Variants in CCDC18 observed in about 807,000 individuals in gnomAD.
The protein encoded by CCDC18 is coiled-coil domain containing 18, also known as coiled-coil domain-containing protein 18.
CCDC18 carries 157 observed loss-of-function variants against 196.0 expected under a neutral mutation model. The ratio of observed to expected loss-of-function variants is 0.80; its 90% confidence interval spans 0.70 to 0.91. CCDC18 has a LOEUF of 0.91. CCDC18 is among the 40% of genes least tolerant of loss of function. CCDC18 has a pLI of 0.00. For missense variants in CCDC18, 1,465 were observed against 1,611.6 expected, an observed-to-expected ratio of 0.91 and a Z score of 1.56; for synonymous variants, 482 against 529.2, an observed-to-expected ratio of 0.91 and a Z score of 1.22.
At chr1:93,197,814 C>G (rs995348929) in intron 6 of CCDC18, among the ~76,000 whole-genome samples, 1 of 134,094 alleles carries the variant, frequency 7.5e-6, no homozygotes, top group Non-Finnish European at 1.5e-5. Context: ...TGCAGTGGCG[C>G]GATCTCGGCT....
chr1:93,270,821 A>T lies in CCDC18; in HGVS notation c.4353+7A>T. 1 of 1,494,346 alleles carries T rather than the reference A, an allele frequency of 6.7e-7. No individual in the cohort carries two copies. Among genetic ancestry groups the T allele is most frequent in the Middle Eastern group, 2.1e-4 (1 of 4,684 alleles). 92.6% of individuals were successfully genotyped at this position (1,494,346 alleles called of 1,614,324 possible). A position where few individuals can be genotyped will look rare whatever the true frequency, so the allele number is the denominator to read the frequency against. On this transcript the variant is annotated splice_region_variant and intron_variant, in intron 28 of 28. Coordinates refer to ENST00000690025, the MANE Select transcript of CCDC18 (RefSeq NM_001378204.1). ...AGGTGCTGGTTTAAATCAGGTATGT[A>T]TTTTATACACTGTAAACTGTAATAA...
chr1:93,221,465 T>C (rs1295452515), intron 14 of CCDC18, 144 bp from the exon 15 acceptor site: 20 of 493,680 alleles, frequency 4.1e-5, no homozygotes, highest in Non-Finnish European at 5.1e-5. Flanking sequence ...ATTTCATTTC[T>C]TCCTTAAAAA....
At chr1:93,207,430 A>G in intron 9 of CCDC18, 32 bp downstream of exon 9, 5 of 1,472,316 alleles carry the variant, frequency 3.4e-6, no homozygotes, top group Non-Finnish European at 3.7e-6. Flanking sequence ...ATGGAAAAGA[A>G]GAATTTTACT....
At chr1:93,228,751 C>G (rs1165977012) in intron 17 of CCDC18, among the ~76,000 whole-genome samples, 1 of 151,654 alleles carries the variant, frequency 6.6e-6, no homozygotes, top group Non-Finnish European at 1.5e-5. Context: ...TTCTACTGCC[C>G]ATACCCACAC....
intron 16 of CCDC18, 95 bp downstream of exon 16, chr1:93,222,031 A>T: frequency 2.5e-6 from 2 of 796,322 alleles, no homozygotes; most frequent in Non-Finnish European, 1.9e-6. Context: ...GTGCAGTGGC[A>T]TGATGATAAC....
intron 28 of CCDC18, among the ~76,000 whole-genome samples, chr1:93,274,761 T>C (rs765023220): frequency 5.9e-5 from 9 of 152,108 alleles, no homozygotes; most frequent in East Asian, 3.9e-4. Context: ...GGTGGGAGGA[T>C]TGCTTGAGCC....
intron 17 of CCDC18, among the ~76,000 whole-genome samples, chr1:93,226,838 T>C (rs1238211406): frequency 6.6e-6 from 1 of 151,974 alleles, no homozygotes; most frequent in Non-Finnish European, 1.5e-5. Flanking sequence ...CTGGCCAAAA[T>C]AATATCTTTT....
At chr1:93,232,723 C>T in intron 18 of CCDC18, 130 bp downstream of exon 18, 1 of 666,054 alleles carries the variant, frequency 1.5e-6, no homozygotes, top group South Asian at 2.1e-5. Flanking sequence ...ATAATTCCAG[C>T]ACTTTGGGAG....
intron 4 of CCDC18, 135 bp from the exon 5 acceptor site, chr1:93,191,865 T>C (rs1651867713): frequency 3.3e-6 from 2 of 598,830 alleles, no homozygotes; most frequent in Admixed American, 5.9e-5. Flanking sequence ...ATCAAAGGAA[T>C]AGATGGGAAG....
chr1:93,211,256 CA>C (rs2101995207), intron 10 of CCDC18, among the ~76,000 whole-genome samples: 1 of 138,656 alleles, frequency 7.2e-6, no homozygotes, highest in African/African-American at 2.7e-5. Flanking sequence ...CCAGCCTGAG[CA>C]ACAGAGTGAG....
At position 93,270,388 on chromosome 1, in the gene CCDC18, T is replaced by C. The variant is rs755775733; in HGVS notation, c.3927T>C (p.His1309=). 1 of 1,549,862 alleles carries C rather than the reference T, an allele frequency of 6.5e-7. No individual in the cohort carries two copies. Among genetic ancestry groups the C allele is most frequent in the Non-Finnish European group, 8.7e-7 (1 of 1,146,472 alleles). The change falls in exon 28 of 29, where the codon CAT becomes CAC. Residue 1309 remains histidine (H), a synonymous_variant. Transcript: ENST00000690025. ...LTRLQAKISG[H]EKAEDIKFLP... is the part of the protein sequence containing the mutation. ...GATTACAGGCCAAAATTTCTGGACA[T>C]GAAAAGGCAGAAGACATCAAGTTTC...
upstream of CCDC18, chr1:93,180,183 C>T (rs1257542001): frequency 6.2e-7 from 1 of 1,613,542 alleles, no homozygotes; most frequent in Non-Finnish European, 8.5e-7. Context: ...CAGGCAGCAG[C>T]ACCGGAGGCA....
At chr1:93,270,001 G>GA (rs1227837606) in intron 27 of CCDC18, among the ~76,000 whole-genome samples, 1 of 152,126 alleles carries the variant, frequency 6.6e-6, no homozygotes, top group Non-Finnish European at 1.5e-5. Context: ...ATTAACAAAA[G>GA]ATAGCGTACC....
Position 93,269,756 on chromosome 1 carries a change from T to G in CCDC18, c.3886-591T>G, listed in dbSNP as rs565425757. On this transcript the variant is annotated intron_variant, in intron 27 of 28. Transcript: ENST00000690025. ...TGGTTTTTTAGTGTATGTAGTCTCA[T>G]TCCTAGGATCCCAAAGTTCAGTCAG... 3 of 152,196 alleles carry G rather than the reference T, an allele frequency of 2.0e-5. No individual in the cohort carries two copies. In the East Asian group the frequency reaches 5.8e-4, roughly 29 times the overall value. 9.4% of individuals were successfully genotyped at this position (152,196 alleles called of 1,614,324 possible).
At chr1:93,243,273 T>A (rs867235209) in intron 21 of CCDC18, among the ~76,000 whole-genome samples, 2 of 152,260 alleles carry the variant, frequency 1.3e-5, no homozygotes, top group Non-Finnish European at 2.9e-5. Context: ...TACTCACAGA[T>A]TCAACATTGG....
At position 93,186,344 on chromosome 1, in the gene CCDC18, G is replaced by C. The variant is rs1365231425; in HGVS notation, c.304-1G>C. On this transcript the variant is annotated splice_acceptor_variant, in intron 3 of 28. Transcript: ENST00000690025. LOFTEE classifies it high-confidence loss of function. ...ATATTTGTTCTTTTTCATTCTTTCA[G>C]ATGTTTTCATCTTCTGCCCCTGTGG... 1 of 1,608,134 alleles carries C rather than the reference G, an allele frequency of 6.2e-7. No homozygotes were observed. The highest frequency in any genetic ancestry group is 8.5e-7 in the Non-Finnish European group (1 of 1,177,308).
intron 4 of CCDC18, among the ~76,000 whole-genome samples, chr1:93,189,373 G>C (rs556983878): frequency 6.6e-6 from 1 of 152,172 alleles, no homozygotes; most frequent in Non-Finnish European, 1.5e-5. Flanking sequence ...CCATTCATCT[G>C]TGATGAACAC....
intron 11 of CCDC18, among the ~76,000 whole-genome samples, chr1:93,212,849 ATAT>A (rs971519426): frequency 1.3e-5 from 2 of 152,280 alleles, no homozygotes; most frequent in Admixed American, 6.5e-5. Flanking sequence ...CAATTTATTT[ATAT>A]TATTATCATA....
intron 6 of CCDC18, among the ~76,000 whole-genome samples, chr1:93,197,648 C>T (rs890409099): frequency 4.0e-5 from 6 of 151,588 alleles, no homozygotes; most frequent in Non-Finnish European, 8.8e-5. Flanking sequence ...AAACATCAGG[C>T]CCACTACAGC....
Sources: gnomAD v4.1 joint callset for allele counts (sites outside exome capture counted in the v4.1 genomes callset) on GRCh38, gnomAD v4.1.1 for gene constraint, MANE v1.5 for transcripts, NCBI Gene and HGNC (gene_info 2026-07-23, HGNC 2026-07-21) for gene names.